TCEA1: variants seen among roughly 807,000 people sequenced by gnomAD.
TCEA1 encodes the protein transcription elongation factor A protein 1.
In TCEA1, 21 loss-of-function variants were observed where a neutral mutation model predicts 43.8. That is an observed-to-expected ratio of 0.48 (90% CI 0.34 to 0.69). The LOEUF (loss-of-function observed/expected upper bound fraction) is 0.69. Ranked by LOEUF, TCEA1 falls within the 30% of genes least tolerant of loss-of-function variation. The pLI is 0.01. For missense variants in TCEA1, 250 were observed against 365.1 expected, an observed-to-expected ratio of 0.68 and a Z score of 2.57; for synonymous variants, 104 against 117.5, an observed-to-expected ratio of 0.88 and a Z score of 0.75.
chr8:54,008,053 G>T (rs753703630), intron 2 of TCEA1, among the ~76,000 whole-genome samples: 2 of 151,442 alleles, frequency 1.3e-5, no homozygotes, highest in Non-Finnish European at 2.9e-5. Flanking sequence ...ATGGCGGCAG[G>T]CGCCCGTAAT....
intron 1 of TCEA1, among the ~76,000 whole-genome samples, chr8:54,011,326 GAATCC>G (rs1403750416): frequency 1.3e-5 from 2 of 152,158 alleles, no homozygotes; most frequent in African/African-American, 4.8e-5. Flanking sequence ...TTTCATAGAA[GAATCC>G]ACAAAAAAGC....
chr8:54,000,810 G>A (rs898872178), intron 2 of TCEA1, among the ~76,000 whole-genome samples: 4 of 150,262 alleles, frequency 2.7e-5, no homozygotes, highest in African/African-American at 9.9e-5. Context: ...CCAGGCTGGA[G>A]TGCAGTGGGG....
intron 1 of TCEA1, among the ~76,000 whole-genome samples, chr8:54,021,034 A>C (rs1335047192): frequency 1.4e-5 from 2 of 144,342 alleles, no homozygotes; most frequent in Non-Finnish European, 2.9e-5. Context: ...CTAAAAATAC[A>C]AAAAAATAGC....
chr8:54,013,695 A>C (rs1321918477), intron 1 of TCEA1, among the ~76,000 whole-genome samples: 54 of 147,968 alleles, frequency 3.6e-4, no homozygotes, highest in South Asian at 1.0e-3. Flanking sequence ...AAAAAAAAAA[A>C]AAAAAAACAA....
At chr8:54,015,909 C>T (rs531827893) in intron 1 of TCEA1, among the ~76,000 whole-genome samples, 104 of 152,238 alleles carry the variant, frequency 6.8e-4, no homozygotes, top group African/African-American at 2.3e-3. Context: ...ATGCAAATGG[C>T]CACAAAGCAA....
chr8:53,989,470 T>C (rs149893772), intron 4 of TCEA1, among the ~76,000 whole-genome samples: 1 of 152,326 alleles, frequency 6.6e-6, no homozygotes, highest in African/African-American at 2.4e-5. Context: ...ATAACCACTG[T>C]TAAACTTCAC....
At chr8:53,993,862 C>T in intron 3 of TCEA1, 107 bp from the exon 4 acceptor site, 1 of 867,158 alleles carries the variant, frequency 1.2e-6, no homozygotes, top group East Asian at 2.4e-5. Context: ...CCTAAGTTTC[C>T]TACAAGTAGA....
At chr8:53,999,777 C>A (rs1284184433) in intron 3 of TCEA1, 168 bp downstream of exon 3, 7 of 513,152 alleles carry the variant, frequency 1.4e-5, no homozygotes, top group South Asian at 3.8e-5. Context: ...GCAAAAAAAC[C>A]CTAAAGATCA....
At chr8:54,006,053 T>A (rs1020701725) in intron 2 of TCEA1, among the ~76,000 whole-genome samples, 2 of 152,192 alleles carry the variant, frequency 1.3e-5, no homozygotes, top group Non-Finnish European at 2.9e-5. Flanking sequence ...GAGAACCTAG[T>A]CATCTTCTGA....
chr8:54,016,392 A>G (rs1586041509), intron 1 of TCEA1, among the ~76,000 whole-genome samples: 1 of 151,958 alleles, frequency 6.6e-6, no homozygotes, highest in Non-Finnish European at 1.5e-5. Context: ...AATGGTGGGA[A>G]CCCGGGAGGC....
chr8:53,973,939 C>CTGAGGCAGG, intron 8 of TCEA1: 2 of 198,996 alleles, frequency 1.0e-5, no homozygotes, highest in Non-Finnish European at 2.0e-5. Context: ...CTTTGGGAGG[C>CTGAGGCAGG]CAAGATGGGT....
intron 4 of TCEA1, among the ~76,000 whole-genome samples, chr8:53,989,309 C>T (rs1223579018): frequency 6.6e-6 from 1 of 152,124 alleles, no homozygotes; most frequent in African/African-American, 2.4e-5. Context: ...TGGGTTCTTT[C>T]CAAAATAATC....
intron 1 of TCEA1, among the ~76,000 whole-genome samples, chr8:54,017,949 A>G (rs1804889303): frequency 6.6e-6 from 1 of 152,194 alleles, no homozygotes; most frequent in Non-Finnish European, 1.5e-5. Flanking sequence ...ACTTGACTGC[A>G]TGCGGGTAGG....
At chr8:53,972,712 C>T (rs1355125795) in intron 8 of TCEA1, 2 of 668,796 alleles carry the variant, frequency 3.0e-6, no homozygotes, top group African/African-American at 3.5e-5. Flanking sequence ...AAGGACTGGA[C>T]CTCTAGAGAA....
intron 1 of TCEA1, among the ~76,000 whole-genome samples, chr8:54,015,124 C>T (rs1386099354): frequency 7.9e-5 from 12 of 152,044 alleles, no homozygotes; most frequent in East Asian, 1.9e-4. Flanking sequence ...ATAATGTCTT[C>T]TTCATAGGCA....
At chr8:53,992,724 C>T (rs1253885469) in intron 4 of TCEA1, among the ~76,000 whole-genome samples, 2 of 152,144 alleles carry the variant, frequency 1.3e-5, no homozygotes, top group Non-Finnish European at 2.9e-5. Flanking sequence ...TTCCAGGGAC[C>T]ACACTTTCAA....
chr8:54,004,512 G>C (rs1029473277), intron 2 of TCEA1, among the ~76,000 whole-genome samples: 1 of 152,186 alleles, frequency 6.6e-6, no homozygotes, highest in African/African-American at 2.4e-5. Context: ...CTAAGTGACA[G>C]AAGCCAGACA....
intron 8 of TCEA1, among the ~76,000 whole-genome samples, chr8:53,978,251 AT>A (rs891069119): frequency 6.6e-6 from 1 of 151,918 alleles, no homozygotes; most frequent in East Asian, 1.9e-4. Context: ...AATAATAATA[AT>A]TTTTTTTAAA....
At chr8:53,978,334 G>C (rs768441597) in intron 8 of TCEA1, among the ~76,000 whole-genome samples, 1 of 152,080 alleles carries the variant, frequency 6.6e-6, no homozygotes, top group Non-Finnish European at 1.5e-5. Context: ...CCATGGTTTT[G>C]CTTTCCATGG....
Sources: gnomAD v4.1 joint callset for allele counts (sites outside exome capture counted in the v4.1 genomes callset) on GRCh38, gnomAD v4.1.1 for gene constraint, MANE v1.5 for transcripts, NCBI Gene and HGNC (gene_info 2026-07-23, HGNC 2026-07-21) for gene names.